DCLK1: variants seen among roughly 807,000 people sequenced by gnomAD.
The protein encoded by DCLK1 is serine/threonine-protein kinase DCLK1.
A neutral mutation model predicts 86.2 loss-of-function variants in DCLK1; 16 were observed. The ratio of observed to expected loss-of-function variants is 0.19; its 90% CI spans 0.13 to 0.28. DCLK1 has a LOEUF of 0.28. DCLK1 is among the 10% of genes least tolerant of loss of function. DCLK1 has a pLI of 1.00. For missense variants in DCLK1, 590 were observed against 940.2 expected (o/e 0.63, Z 4.87); for synonymous variants, 369 against 370.5 (o/e 1.00, Z 0.05).
chr13:36,014,882 T>C (rs1157060002), intron 3 of DCLK1, among the ~76,000 whole-genome samples: 1 of 152,196 alleles, frequency 6.6e-6, no homozygotes, highest in Non-Finnish European at 1.5e-5. Flanking sequence ...CACAGAAGAA[T>C]GTTCCGTGCA....
intron 4 of DCLK1, among the ~76,000 whole-genome samples, chr13:35,899,594 T>C (rs1408807815): frequency 6.6e-6 from 1 of 152,190 alleles, no homozygotes; most frequent in Non-Finnish European, 1.5e-5. Flanking sequence ...CTAATTACAA[T>C]GCAGCACAGT....
At chr13:36,119,412 A>T (rs1885902064) in intron 2 of DCLK1, among the ~76,000 whole-genome samples, 1 of 152,202 alleles carries the variant, frequency 6.6e-6, no homozygotes, top group South Asian at 2.1e-4. Context: ...CCACCAATAA[A>T]TGCCAAAATT....
At chr13:35,895,372 T>C (rs1198945578) in intron 4 of DCLK1, among the ~76,000 whole-genome samples, 1 of 152,202 alleles carries the variant, frequency 6.6e-6, no homozygotes, top group Non-Finnish European at 1.5e-5. Flanking sequence ...TATTATACCT[T>C]TAGAAATATG....
intron 5 of DCLK1, among the ~76,000 whole-genome samples, chr13:35,864,287 C>T (rs542008765): frequency 4.0e-5 from 3 of 75,072 alleles, no homozygotes; most frequent in South Asian, 7.4e-4. Context: ...GCTATCTGGC[C>T]GGGCGCGGTG....
In DCLK1 at chr13:35,910,970, T is replaced by C. The variant is rs1308408373; in HGVS notation, c.823+36388A>G. Reference sequence around the variant, plus strand: ...AAAAGTCATCAGTGGTTTCAAATCTTAGAACACAGGTCTAAATAACTGTTA... The same window carrying C: ...AAAAGTCATCAGTGGTTTCAAATCTCAGAACACAGGTCTAAATAACTGTTA... On this transcript the variant is annotated intron_variant, in intron 4 of 16. Coordinates refer to ENST00000360631, the MANE Select transcript of DCLK1 (RefSeq NM_001330071.2). Among the ~76,000 whole-genome samples the C allele has an allele frequency of 2.0e-5, 3 of 152,084 alleles. No homozygotes were observed. In the East Asian group the frequency reaches 5.8e-4, roughly 29 times the overall value.
At chr13:36,069,558 C>T (rs1462558223) in intron 3 of DCLK1, among the ~76,000 whole-genome samples, 2 of 152,146 alleles carry the variant, frequency 1.3e-5, no homozygotes, top group Non-Finnish European at 2.9e-5. Flanking sequence ...TGCTTCATCT[C>T]CCCTATATTC....
At chr13:35,814,602 C>T (rs997397119) in intron 11 of DCLK1, among the ~76,000 whole-genome samples, 9 of 152,136 alleles carry the variant, frequency 5.9e-5, no homozygotes, top group South Asian at 2.1e-4. Flanking sequence ...GTGACCCACA[C>T]GTGAAGTGGG....
In DCLK1 at chr13:35,827,765, G is replaced by A; in HGVS notation, c.1288-11C>T. On this transcript the variant is annotated splice_polypyrimidine_tract_variant and intron_variant, in intron 9 of 16. Coordinates refer to ENST00000360631, the MANE Select transcript of DCLK1 (RefSeq NM_001330071.2). ...CTGGATCATGTGCTCCTGTCCAAAG[G>A]AAAAGTTATCTTCATCAGCTTCCAT... 6.2e-7 allele frequency: 1 copy of A among 1,613,048 alleles called. No individual in the cohort carries two copies. The highest frequency in any genetic ancestry group is 8.5e-7 in the Non-Finnish European group (1 of 1,179,896).
chr13:36,124,601 G>C (rs1048627058), intron 2 of DCLK1, among the ~76,000 whole-genome samples: 1 of 152,196 alleles, frequency 6.6e-6, no homozygotes, highest in African/African-American at 2.4e-5. Flanking sequence ...GGGGAGAGCA[G>C]CCCCCAACTC....
intron 3 of DCLK1, among the ~76,000 whole-genome samples, chr13:36,045,354 A>G (rs867019497): frequency 0.017 from 2,222 of 128,198 alleles, 103 homozygotes; most frequent in African/African-American, 0.06. Flanking sequence ...ATATATATAT[A>G]TATATATATA....
intron 16 of DCLK1, among the ~76,000 whole-genome samples, chr13:35,777,443 T>G (rs969768641): frequency 6.6e-6 from 1 of 152,200 alleles, no homozygotes; most frequent in Non-Finnish European, 1.5e-5. Flanking sequence ...TCCCATTTAC[T>G]CTGAAGTTTA....
intron 3 of DCLK1, among the ~76,000 whole-genome samples, chr13:36,028,335 G>A (rs1446247963): frequency 1.3e-5 from 2 of 152,192 alleles, no homozygotes; most frequent in Non-Finnish European, 2.9e-5. Flanking sequence ...AAACAGTAGA[G>A]ACTTCAGGCT....
intron 4 of DCLK1, among the ~76,000 whole-genome samples, chr13:35,935,111 G>C (rs1255762452): frequency 3.9e-5 from 6 of 152,172 alleles, no homozygotes; most frequent in African/African-American, 9.7e-5. Flanking sequence ...CATTCCACAT[G>C]AATGAGGCAA....
chr13:35,877,736 T>C (rs1235853784), intron 4 of DCLK1, among the ~76,000 whole-genome samples: 1 of 152,206 alleles, frequency 6.6e-6, no homozygotes, highest in Non-Finnish European at 1.5e-5. Flanking sequence ...TTGTGCTTTC[T>C]ACCATACCCT....
rs9601905 is a variant in DCLK1 at position 36,012,956 on chromosome 13, T to A, written c.724-65499A>T. On this transcript the variant is annotated intron_variant, in intron 3 of 16. Transcript: ENST00000360631. Reference sequence around the variant, plus strand: ...TTATTCTTTTTTCTCTAAACTTCCCTTCTCACTTCATTTCATTCATTTCAT... The same window carrying A: ...TTATTCTTTTTTCTCTAAACTTCCCATCTCACTTCATTTCATTCATTTCAT... 2.0e-3 allele frequency among the ~76,000 whole-genome samples: 142 copies of A among 70,652 alleles called. 1 individual carries two copies. Among genetic ancestry groups the A allele is most frequent in the African/African-American group, 7.6e-3 (132 of 17,294 alleles). The allele number at this position is 70,652 out of a possible 152,430, so 46.4% of individuals were successfully genotyped here.
chr13:35,866,319 T>G (rs2153113522), intron 5 of DCLK1, among the ~76,000 whole-genome samples: 2 of 152,338 alleles, frequency 1.3e-5, no homozygotes, highest in Middle Eastern at 6.8e-3. Context: ...CCGAAAATTG[T>G]GCAGATCTTA....
chr13:36,110,640 T>C (rs1239684857), intron 3 of DCLK1, among the ~76,000 whole-genome samples: 1 of 152,156 alleles, frequency 6.6e-6, no homozygotes, highest in Admixed American at 6.5e-5. Flanking sequence ...TTTTAATTCA[T>C]GGATCATTTT....
At chr13:35,860,280 G>A (rs1165428641) in intron 5 of DCLK1, among the ~76,000 whole-genome samples, 1 of 150,472 alleles carries the variant, frequency 6.6e-6, no homozygotes, top group Non-Finnish European at 1.5e-5. Flanking sequence ...TTTGTTCCTT[G>A]CTTGCCACAT....
intron 4 of DCLK1, among the ~76,000 whole-genome samples, chr13:35,943,027 A>G (rs1384160345): frequency 6.6e-6 from 1 of 152,246 alleles, no homozygotes; most frequent in Non-Finnish European, 1.5e-5. Flanking sequence ...CCAAAAAGAT[A>G]TGTTCCAGTC....
Sources: gnomAD v4.1 joint callset for allele counts (sites outside exome capture counted in the v4.1 genomes callset) on GRCh38, gnomAD v4.1.1 for gene constraint, MANE v1.5 for transcripts, NCBI Gene and HGNC (gene_info 2026-07-23, HGNC 2026-07-21) for gene names.